Variants in TMEM267 observed in about 807,000 individuals in gnomAD.
TMEM267 encodes the protein transmembrane protein 267, also known as transmembrane protein C5orf28.
TMEM267 carries 20 observed loss-of-function variants against 19.3 expected under a neutral mutation model. The ratio of observed to expected loss-of-function variants is 1.04; its 90% CI spans 0.73 to 1.51. The LOEUF (loss-of-function observed/expected upper bound fraction) is 1.51. TMEM267 is among the 40% of genes most tolerant of loss of function. The pLI, the probability that TMEM267 is intolerant of heterozygous loss-of-function variation, is 0.00. For missense variants in TMEM267, 242 were observed against 261.9 expected (o/e 0.92, Z 0.52); for synonymous variants, 88 against 90.3 (o/e 0.97, Z 0.15).
intron 1 of TMEM267, among the ~76,000 whole-genome samples, 155 bp from the exon 2 acceptor site, chr5:43,454,198 A>G (rs1174194303): frequency 6.9e-6 from 1 of 145,674 alleles, no homozygotes; most frequent in East Asian, 2.0e-4. Context: ...ACATAGCCCA[A>G]GGAGAATAGA....
At chr5:43,464,411 T>C (rs1266766129) in intron 1 of TMEM267, among the ~76,000 whole-genome samples, 7 of 151,834 alleles carry the variant, frequency 4.6e-5, no homozygotes, top group Non-Finnish European at 5.9e-5. Context: ...ATGCCATCCC[T>C]ATCAAGTTAC....
intron 1 of TMEM267, among the ~76,000 whole-genome samples, chr5:43,473,789 G>T (rs1282819183): frequency 6.6e-6 from 1 of 152,148 alleles, no homozygotes; most frequent in East Asian, 1.9e-4. Context: ...CCAAAAAACA[G>T]CATGCATAAA....
At chr5:43,483,276 TGTTTCAAGCC>T (rs1561201736) in intron 1 of TMEM267, among the ~76,000 whole-genome samples, 2 of 152,152 alleles carry the variant, frequency 1.3e-5, no homozygotes, top group African/African-American at 4.8e-5. Flanking sequence ...TATTTCAACA[TGTTTCAAGCC>T]TCAGAAGTTC....
At chr5:43,448,575 G>C (rs1742388895) in intron 2 of TMEM267, among the ~76,000 whole-genome samples, 1 of 152,056 alleles carries the variant, frequency 6.6e-6, no homozygotes, top group South Asian at 2.1e-4. Flanking sequence ...TCAGGAGCTC[G>C]AGACCAGCCT....
intron 2 of TMEM267, among the ~76,000 whole-genome samples, chr5:43,451,069 TCTCAC>T (rs1742559494): frequency 6.6e-6 from 1 of 151,946 alleles, no homozygotes; most frequent in Non-Finnish European, 1.5e-5. Context: ...GATCTTTTGA[TCTCAC>T]CTCAGCCTCC....
chr5:43,463,778 T>G (rs567935613), intron 1 of TMEM267, among the ~76,000 whole-genome samples: 23 of 152,288 alleles, frequency 1.5e-4, no homozygotes, highest in Non-Finnish European at 3.2e-4. Context: ...AAACTCTCAA[T>G]AAATTAGGTA....
At position 43,465,405 on chromosome 5, in the gene TMEM267, C is replaced by T. The variant is rs371125518; in HGVS notation, c.-74-11362G>A. ...TCAACCATTGTGGAAGTCAGTGTGG[C>T]GATTCCTCTGGGATCTAGAACTAGA... On this transcript the variant is annotated intron_variant, in intron 1 of 2. Coordinates refer to ENST00000397080, the MANE Select transcript of TMEM267 (RefSeq NM_022483.5). 6.7e-4 allele frequency among the ~76,000 whole-genome samples: 102 copies of T among 152,236 alleles called. 2 individuals carry two copies. The South Asian group carries it at 0.021, about 31-fold the overall frequency.
At chr5:43,450,802 C>T (rs1742539683) in intron 2 of TMEM267, among the ~76,000 whole-genome samples, 1 of 152,060 alleles carries the variant, frequency 6.6e-6, no homozygotes, top group African/African-American at 2.4e-5. Flanking sequence ...TAGCTTATCC[C>T]AATCTCTAAC....
At chr5:43,472,765 G>C (rs1256590275) in intron 1 of TMEM267, among the ~76,000 whole-genome samples, 1 of 30,806 alleles carries the variant, frequency 3.2e-5, no homozygotes, top group African/African-American at 4.5e-4. Context: ...CGTGGACATA[G>C]AGAGTAGAAG....
intron 1 of TMEM267, among the ~76,000 whole-genome samples, chr5:43,483,384 T>C (rs570868860): frequency 6.6e-6 from 1 of 152,160 alleles, no homozygotes; most frequent in African/African-American, 2.4e-5. Context: ...GAAAGGACCA[T>C]GTCACACTCT....
chr5:43,474,840 C>T (rs1579828427), intron 1 of TMEM267, among the ~76,000 whole-genome samples: 4 of 151,898 alleles, frequency 2.6e-5, no homozygotes, highest in African/African-American at 9.7e-5. Flanking sequence ...ACATCTCACG[C>T]CAGTTAGAAT....
intron 1 of TMEM267, among the ~76,000 whole-genome samples, chr5:43,461,787 A>G (rs754896342): frequency 2.0e-5 from 3 of 152,108 alleles, no homozygotes; most frequent in Non-Finnish European, 4.4e-5. Context: ...AACATCAGGT[A>G]GACGTCTAAG....
chr5:43,467,608 G>T (rs910321610), intron 1 of TMEM267, among the ~76,000 whole-genome samples: 1 of 152,216 alleles, frequency 6.6e-6, no homozygotes, highest in Non-Finnish European at 1.5e-5. Context: ...GCTAAAGAGA[G>T]AGATAGGCCC....
intron 1 of TMEM267, among the ~76,000 whole-genome samples, chr5:43,465,562 G>T (rs1412594668): frequency 2.6e-5 from 4 of 152,162 alleles, no homozygotes; most frequent in African/African-American, 9.7e-5. Context: ...CAACCCAAAT[G>T]TCCAACAATG....
At chr5:43,475,659 T>C (rs1247693598) in intron 1 of TMEM267, among the ~76,000 whole-genome samples, 5 of 152,180 alleles carry the variant, frequency 3.3e-5, no homozygotes, top group African/African-American at 1.2e-4. Context: ...AAGGAAAAGA[T>C]AATTACATTA....
chr5:43,468,087 CTTGA>C (rs760555350), intron 1 of TMEM267, among the ~76,000 whole-genome samples: 1 of 128,860 alleles, frequency 7.8e-6, no homozygotes, highest in Non-Finnish European at 1.6e-5. Flanking sequence ...GAGGAAGGGG[CTTGA>C]TTAACTTTCA....
intron 1 of TMEM267, among the ~76,000 whole-genome samples, chr5:43,473,997 A>C (rs763602909): frequency 6.6e-6 from 1 of 152,192 alleles, no homozygotes; most frequent in Non-Finnish European, 1.5e-5. Flanking sequence ...CAAATCTGAC[A>C]AAAAAAAGCA....
chr5:43,446,616 C>A, intron 2 of TMEM267, 59 bp from the exon 3 acceptor site: 1 of 1,038,074 alleles, frequency 9.6e-7, no homozygotes, highest in Non-Finnish European at 1.4e-6. Context: ...AAATTTTATA[C>A]ATGCTTCTTA....
intron 2 of TMEM267, among the ~76,000 whole-genome samples, chr5:43,449,323 T>A (rs1742440541): frequency 6.6e-6 from 1 of 151,304 alleles, no homozygotes; most frequent in African/African-American, 2.4e-5. Flanking sequence ...AAAAATGATA[T>A]GAGGAAAAAA....
Sources: allele counts gnomAD v4.1 joint callset (sites outside exome capture counted in the v4.1 genomes callset), GRCh38; gene constraint gnomAD v4.1.1; transcripts MANE v1.5; gene names NCBI Gene and HGNC (gene_info 2026-07-23, HGNC 2026-07-21).